Variants in SRFBP1 observed in about 807,000 individuals in gnomAD.
SRFBP1 encodes the protein serum response factor binding protein 1.
Under a neutral mutation model 45.5 loss-of-function variants are expected in SRFBP1, and 47 were observed. The ratio of observed to expected loss-of-function variants is 1.03; its 90% CI spans 0.82 to 1.32. The LOEUF (loss-of-function observed/expected upper bound fraction) is 1.32, where lower values mean the gene tolerates loss of function less well. Among genes scored for constraint, SRFBP1 ranks in the 40% most tolerant of loss-of-function variants. The pLI, the probability that SRFBP1 is intolerant of heterozygous loss-of-function variation, is 0.00. For synonymous variants in SRFBP1, 203 were observed against 166.3 expected, an observed-to-expected ratio of 1.22 and a Z score of -1.70; for missense variants, 621 against 484.6, an observed-to-expected ratio of 1.28 and a Z score of -2.64.
At chr5:122,068,878 A>C (rs1754373682) in intron 2 of SRFBP1, among the ~76,000 whole-genome samples, 1 of 152,080 alleles carries the variant, frequency 6.6e-6, no homozygotes, top group Non-Finnish European at 1.5e-5. Flanking sequence ...AGAAAAAACT[A>C]ATCTGTTTAT....
At chr5:122,012,450 G>T (rs1270620865) in intron 4 of SRFBP1, among the ~76,000 whole-genome samples, 1 of 151,952 alleles carries the variant, frequency 6.6e-6, no homozygotes, top group Non-Finnish European at 1.5e-5. Context: ...TTTAAGAATG[G>T]AAAACTAAAT....
chr5:122,046,975 A>G (rs183276557), intron 2 of SRFBP1, among the ~76,000 whole-genome samples: 1 of 151,962 alleles, frequency 6.6e-6, no homozygotes, highest in Non-Finnish European at 1.5e-5. Flanking sequence ...GGTTGCAGAC[A>G]TTTTCTCCCA....
intron 2 of SRFBP1, among the ~76,000 whole-genome samples, chr5:122,050,346 G>C (rs1340605313): frequency 6.6e-6 from 1 of 152,162 alleles, no homozygotes; most frequent in Non-Finnish European, 1.5e-5. Context: ...ACATCTGGTA[G>C]AATCTGGCTG....
rs1197175996 is a variant in SRFBP1, at chr5:122,000,519, T to C, written c.270+5849T>C. On this transcript the variant is annotated intron_variant, in intron 4 of 7. Coordinates refer to ENST00000339397, the MANE Select transcript of SRFBP1 (RefSeq NM_152546.3). ...ACAATTTTTTTGGCAAGGAAGTTTT[T>C]TGTTTGTCCTTTATTTTAAAAAATA... 7.9e-5 allele frequency among the ~76,000 whole-genome samples: 12 copies of C among 152,232 alleles called. No homozygotes were observed. The East Asian group carries it at 2.1e-3, about 27-fold the overall frequency.
At chr5:122,053,017 G>A (rs953740014) in intron 2 of SRFBP1, among the ~76,000 whole-genome samples, 2 of 152,008 alleles carry the variant, frequency 1.3e-5, no homozygotes, top group South Asian at 4.1e-4. Flanking sequence ...CCTTGGAGGA[G>A]CCCCCTCCAA....
intron 4 of SRFBP1, among the ~76,000 whole-genome samples, chr5:121,995,298 A>G (rs1752698623): frequency 6.6e-6 from 1 of 152,128 alleles, no homozygotes; most frequent in African/African-American, 2.4e-5. Flanking sequence ...AAAGAACAGA[A>G]ATTATAACAA....
chr5:122,077,938 G>A, downstream of SRFBP1: 2 of 1,499,548 alleles, frequency 1.3e-6, no homozygotes, highest in African/African-American at 1.5e-5. The surrounding 1 kb of genome is among the most constrained non-coding windows in gnomAD (Gnocchi z 4.9). Flanking sequence ...GCACTAGCGC[G>A]CAGAGCTGCA....
At position 121,972,077 on chromosome 5, in the gene SRFBP1, A is replaced by G. The variant is rs200655395; in HGVS notation, c.37-2119A>G. ...GAGGATGTTTATTTAGTCTCTAATG[A>G]AAATGACTCAATCATGTTTAAAAAT... is the stretch of plus-strand genomic sequence containing the variant. On this transcript the variant is annotated intron_variant, in intron 1 of 7. Transcript: ENST00000339397. 2.0e-5 allele frequency among the ~76,000 whole-genome samples: 3 copies of G among 151,994 alleles called. No individual in the cohort carries two copies. In the East Asian group the frequency reaches 5.8e-4, roughly 29 times the overall value.
At chr5:121,988,956 G>A (rs1752571227) in intron 3 of SRFBP1, among the ~76,000 whole-genome samples, 1 of 151,796 alleles carries the variant, frequency 6.6e-6, no homozygotes, top group African/African-American at 2.4e-5. Flanking sequence ...TTCTGCATTC[G>A]AAATTGCAGA....
chr5:122,077,845 T>C (rs978442646), downstream of SRFBP1: 6 of 1,548,486 alleles, frequency 3.9e-6, no homozygotes, highest in East Asian at 1.2e-4. The surrounding 1 kb of genome is among the most constrained non-coding windows in gnomAD (Gnocchi z 4.9). Context: ...TGTTCTCCCA[T>C]TGGATCTGCT....
intron 2 of SRFBP1, among the ~76,000 whole-genome samples, chr5:122,067,025 T>A (rs921953356): frequency 3.9e-5 from 6 of 152,108 alleles, no homozygotes; most frequent in African/African-American, 1.4e-4. Flanking sequence ...CAGCAGGACT[T>A]CTGGGACCAG....
At chr5:121,990,915 TATA>T (rs1212656799) in intron 3 of SRFBP1, among the ~76,000 whole-genome samples, 2 of 152,230 alleles carry the variant, frequency 1.3e-5, no homozygotes, top group African/African-American at 4.8e-5. Context: ...GCCAGAAAGC[TATA>T]ATGATTCTTT....
At position 122,026,972 on chromosome 5, in the gene SRFBP1, A is replaced by G. The variant is rs778788343; in HGVS notation, c.1136A>G (p.Asn379Ser). Residue 379 changes from asparagine (N) to serine (S), a missense_variant, in exon 8 of 8, where the codon AAT becomes AGT. Physicochemically the swap from Asn to Ser is conservative, Grantham distance 46. Coordinates refer to ENST00000339397, the MANE Select transcript of SRFBP1 (RefSeq NM_152546.3). Reference sequence around the variant, plus strand: ...CCACAGAATGAGCCTCAGATCAAGAATCAGTTTAATAAGAAGCTATCAGGA... The same window carrying G: ...CCACAGAATGAGCCTCAGATCAAGAGTCAGTTTAATAAGAAGCTATCAGGA... ...DFPQNEPQIK[N>S]QFNKKLSGRL... 1.9e-5 allele frequency: 31 copies of G among 1,612,246 alleles called. No individual in the cohort carries two copies. Among genetic ancestry groups the G allele is most frequent in the Non-Finnish European group, 2.5e-5 (30 of 1,179,518 alleles).
At chr5:122,000,693 A>G (rs541590106) in intron 4 of SRFBP1, among the ~76,000 whole-genome samples, 42 of 152,178 alleles carry the variant, frequency 2.8e-4, no homozygotes, top group African/African-American at 9.9e-4. Flanking sequence ...CAAATTGACT[A>G]TAAGATGTTC....
chr5:122,029,002 G>T (rs1335906221), downstream of SRFBP1, among the ~76,000 whole-genome samples: 1 of 152,170 alleles, frequency 6.6e-6, no homozygotes, highest in Non-Finnish European at 1.5e-5. Flanking sequence ...TCATTTTGAG[G>T]TTTGTGCTTT....
chr5:122,024,221 G>C (rs1393508927), intron 7 of SRFBP1, among the ~76,000 whole-genome samples: 2 of 152,144 alleles, frequency 1.3e-5, no homozygotes, highest in African/African-American at 4.8e-5. Context: ...AACTCCATAG[G>C]CTTGTGGCCT....
chr5:121,965,905 C>T (rs1249982119), intron 1 of SRFBP1, among the ~76,000 whole-genome samples: 2 of 152,146 alleles, frequency 1.3e-5, no homozygotes, highest in African/African-American at 4.8e-5. Flanking sequence ...TCCTTCACAT[C>T]CCTGTAAGTT....
intron 2 of SRFBP1, chr5:122,064,384 G>A (rs1396105089): frequency 6.6e-6 from 1 of 151,564 alleles, no homozygotes; most frequent in African/African-American, 2.4e-5. Flanking sequence ...GTGTTTAGAG[G>A]TGCCAGGAGG....
At position 122,026,811 on chromosome 5, in the gene SRFBP1, T is replaced by G. The variant is rs1022583195; in HGVS notation, c.1106-131T>G. On this transcript the variant is annotated intron_variant, in intron 7 of 7. Coordinates refer to ENST00000339397, the MANE Select transcript of SRFBP1 (RefSeq NM_152546.3). The stretch of plus-strand genomic sequence containing the variant: ...ACTATTCCCTGTTAGACTTCAGTTT[T>G]AAATTGTGAAATATTCCATTTAAGA... The G allele has an allele frequency of 1.9e-5, 12 of 639,182 alleles. No homozygotes were observed. In the African/African-American group the frequency reaches 2.3e-4, roughly 12 times the overall value. The allele number at this position is 639,182 out of a possible 1,614,324, so 39.6% of individuals were successfully genotyped here. A position where few individuals can be genotyped will look rare whatever the true frequency, so the allele number is the denominator to read the frequency against.
Sources: allele counts gnomAD v4.1 joint callset (sites outside exome capture counted in the v4.1 genomes callset), GRCh38; gene constraint gnomAD v4.1.1; non-coding constraint Gnocchi (gnomAD v3.1); transcripts MANE v1.5; gene names NCBI Gene and HGNC (gene_info 2026-07-23, HGNC 2026-07-21).